The following DRC8 variants were observed in gnomAD, a reference collection of about 807,000 sequenced individuals.
DRC8 encodes the protein dynein regulatory complex protein 8.
the DRC8 span, among the ~76,000 whole-genome samples, chr1:245,077,144 A>G: frequency 2.0e-5 from 3 of 152,080 alleles, no homozygotes; most frequent in Non-Finnish European, 4.4e-5. Context: ...TATGTTAGTT[A>G]TAATGTTTGC....
the DRC8 span, among the ~76,000 whole-genome samples, chr1:244,995,436 T>C: frequency 1.3e-5 from 2 of 152,054 alleles, no homozygotes; most frequent in African/African-American, 4.8e-5. Context: ...TAGCTCACTG[T>C]AACCTTGAAC....
At chr1:244,981,475 T>C in the DRC8 span, among the ~76,000 whole-genome samples, 1 of 152,200 alleles carries the variant, frequency 6.6e-6, no homozygotes, top group Non-Finnish European at 1.5e-5. Context: ...ACGTGTATTA[T>C]GTCCTTTAAT....
the DRC8 span, among the ~76,000 whole-genome samples, chr1:245,102,121 C>G: frequency 2.0e-5 from 3 of 152,180 alleles, no homozygotes; most frequent in African/African-American, 7.2e-5. Flanking sequence ...ACACAACTCA[C>G]TGGTTAAATG....
At chr1:245,108,972 C>T in the DRC8 span, among the ~76,000 whole-genome samples, 169 of 152,220 alleles carry the variant, frequency 1.1e-3, no homozygotes, top group African/African-American at 3.8e-3. Flanking sequence ...AACGAGGATT[C>T]TGGTGTAGTT....
the DRC8 span, among the ~76,000 whole-genome samples, chr1:244,998,198 ATATT>A: frequency 6.6e-6 from 1 of 151,638 alleles, no homozygotes; most frequent in Non-Finnish European, 1.5e-5. Context: ...CCTTACATAT[ATATT>A]TATTTTATTT....
At chr1:245,085,788 A>G in the DRC8 span, among the ~76,000 whole-genome samples, 1 of 152,236 alleles carries the variant, frequency 6.6e-6, no homozygotes, top group Non-Finnish European at 1.5e-5. Context: ...TTATTTCAGC[A>G]TTTTGAGGGC....
the DRC8 span, among the ~76,000 whole-genome samples, chr1:245,051,709 T>A: frequency 6.6e-6 from 1 of 152,054 alleles, no homozygotes; most frequent in Non-Finnish European, 1.5e-5. Flanking sequence ...CCTATCAAGT[T>A]TTTTCAAGAT....
the DRC8 span, among the ~76,000 whole-genome samples, chr1:245,029,838 C>T: frequency 1.3e-4 from 19 of 151,788 alleles, no homozygotes; most frequent in East Asian, 7.8e-4. Flanking sequence ...TCAAGTGATC[C>T]GCCTGCCTCA....
At chr1:245,043,463 G>T in the DRC8 span, among the ~76,000 whole-genome samples, 1 of 151,602 alleles carries the variant, frequency 6.6e-6, no homozygotes, top group South Asian at 2.1e-4. Context: ...GAAAGAAAAA[G>T]AAATCAAATG....
the DRC8 span, among the ~76,000 whole-genome samples, chr1:245,010,492 T>C: frequency 4.6e-5 from 7 of 152,128 alleles, no homozygotes; most frequent in Non-Finnish European, 2.9e-5. Context: ...TGGTTGTCGC[T>C]GTGCAGAACA....
chr1:244,983,739 CAAAAA>C, the DRC8 span, among the ~76,000 whole-genome samples: 2 of 100,990 alleles, frequency 2.0e-5, no homozygotes, highest in Non-Finnish European at 3.8e-5. Flanking sequence ...GACTCTGTCT[CAAAAA>C]AAAAAAAAAA....
the DRC8 span, among the ~76,000 whole-genome samples, chr1:245,028,973 A>T: frequency 6.6e-6 from 1 of 152,214 alleles, no homozygotes; most frequent in African/African-American, 2.4e-5. Flanking sequence ...TCTGTGATGA[A>T]GCTTGCTTTT....
chr1:245,045,843 C>T, the DRC8 span, among the ~76,000 whole-genome samples: 7,039 of 152,288 alleles, frequency 0.046, 205 homozygotes, highest in Non-Finnish European at 0.07. Context: ...AGACTCAACC[C>T]GCAGTCAGTC....
the DRC8 span, among the ~76,000 whole-genome samples, chr1:245,032,933 A>G: frequency 6.6e-6 from 1 of 151,812 alleles, no homozygotes; most frequent in African/African-American, 2.4e-5. Context: ...GAGACGGAAG[A>G]TTGCTTGAGC....
At chr1:245,021,626 G>A in the DRC8 span, among the ~76,000 whole-genome samples, 1 of 152,020 alleles carries the variant, frequency 6.6e-6, no homozygotes, top group African/African-American at 2.4e-5. Flanking sequence ...AGTAGAGACA[G>A]GGTCTTGCTA....
chr1:245,007,604 G>A, the DRC8 span, among the ~76,000 whole-genome samples: 5 of 152,300 alleles, frequency 3.3e-5, no homozygotes, highest in Admixed American at 2.0e-4. Flanking sequence ...ATTAACAATA[G>A]TTTAGGCGGT....
At chr1:244,989,861 C>A in the DRC8 span, among the ~76,000 whole-genome samples, 1 of 152,304 alleles carries the variant, frequency 6.6e-6, no homozygotes, top group Non-Finnish European at 1.5e-5. Flanking sequence ...TAACTAAGGT[C>A]AACCAAGATC....
chr1:245,043,323 C>T, the DRC8 span, among the ~76,000 whole-genome samples: 822 of 152,054 alleles, frequency 5.4e-3, 6 homozygotes, highest in Non-Finnish European at 6.7e-3. Context: ...ATCCCAGCTA[C>T]TTGGGAGGCT....
chr1:245,028,331 G>A, the DRC8 span, among the ~76,000 whole-genome samples: 2 of 152,160 alleles, frequency 1.3e-5, no homozygotes, highest in Non-Finnish European at 2.9e-5. Context: ...CCTAATTTTA[G>A]AAATGTAGGT....
Sources: allele counts gnomAD v4.1 joint callset (sites outside exome capture counted in the v4.1 genomes callset), GRCh38; gene constraint gnomAD v4.1.1; transcripts MANE v1.5; gene names NCBI Gene and HGNC (gene_info 2026-07-23, HGNC 2026-07-21).